GLRA1: variants seen among roughly 807,000 people sequenced by gnomAD.
The protein encoded by GLRA1 is glycine receptor alpha 1.
A neutral mutation model predicts 48.3 loss-of-function variants in GLRA1; 37 were observed. The observed-to-expected ratio is 0.77, with a 90% CI of 0.59 to 1.01. The LOEUF is 1.01. Among genes scored for constraint, GLRA1 ranks in the 50% least tolerant of loss-of-function variants. The probability of loss-of-function intolerance (pLI) is 0.00; values close to 1 mark genes in which losing one functional copy is unlikely to be tolerated. For synonymous variants in GLRA1, 196 were observed against 210.7 expected, an observed-to-expected ratio of 0.93 and a Z score of 0.60; for missense variants, 427 against 571.0, an observed-to-expected ratio of 0.75 and a Z score of 2.57.
chr5:151,913,153 G>A (rs1395260426), intron 1 of GLRA1, among the ~76,000 whole-genome samples: 2 of 152,210 alleles, frequency 1.3e-5, no homozygotes, highest in African/African-American at 4.8e-5. Context: ...ATAGGAAAAT[G>A]TGTTTGAAGT....
chr5:151,911,515 T>A (rs1437817646), intron 1 of GLRA1, among the ~76,000 whole-genome samples: 1 of 151,584 alleles, frequency 6.6e-6, no homozygotes, highest in Non-Finnish European at 1.5e-5. Context: ...TTAGCAATTT[T>A]AAAAATAATC....
chr5:151,871,832 G>A lies in GLRA1; in HGVS notation c.253-11824C>T, dbSNP rs1396417541. Among the ~76,000 whole-genome samples, 3 of 149,642 alleles carry A rather than the reference G, an allele frequency of 2.0e-5. 1 individual carries two copies. Among genetic ancestry groups the A allele is most frequent in the African/African-American group, 7.7e-5 (3 of 39,014 alleles). On this transcript the variant is annotated intron_variant, in intron 3 of 8. Transcript: ENST00000274576. ...GCCTGCCTCGGCCTCCCAAAGTGCC[G>A]GGATTACAGGCGTGAACCACCGCGC...
At chr5:151,909,625 A>G (rs936028834) in intron 1 of GLRA1, among the ~76,000 whole-genome samples, 1 of 152,200 alleles carries the variant, frequency 6.6e-6, no homozygotes, top group African/African-American at 2.4e-5. Context: ...TGTTATCAGT[A>G]TCATAATGGA....
intron 1 of GLRA1, among the ~76,000 whole-genome samples, chr5:151,903,838 T>C (rs2113440371): frequency 6.6e-6 from 1 of 152,300 alleles, no homozygotes; most frequent in African/African-American, 2.4e-5. Context: ...GCATTTTCTT[T>C]TCTATTTTTC....
chr5:151,873,847 G>C (rs749442084), intron 3 of GLRA1, among the ~76,000 whole-genome samples: 2 of 152,260 alleles, frequency 1.3e-5, no homozygotes, highest in Non-Finnish European at 2.9e-5. Flanking sequence ...TTAGATTCAG[G>C]GGGTATATGT....
chr5:151,830,247 A>G (rs1561546548), intron 7 of GLRA1, among the ~76,000 whole-genome samples: 1 of 152,182 alleles, frequency 6.6e-6, no homozygotes, highest in Non-Finnish European at 1.5e-5. Context: ...GGTTCCCTCA[A>G]AGATGCCACT....
chr5:151,865,517 G>A (rs1561562719), intron 3 of GLRA1, among the ~76,000 whole-genome samples: 1 of 152,148 alleles, frequency 6.6e-6, no homozygotes, highest in African/African-American at 2.4e-5. Context: ...AAGCTGTACT[G>A]AGAAATTTGA....
intron 5 of GLRA1, among the ~76,000 whole-genome samples, chr5:151,855,605 A>T (rs1468359350): frequency 6.6e-6 from 1 of 152,350 alleles, no homozygotes; most frequent in African/African-American, 2.4e-5. Flanking sequence ...AAGCTAGGCC[A>T]GACTGTGCCC....
At chr5:151,840,376 G>A (rs1267992408) in intron 7 of GLRA1, among the ~76,000 whole-genome samples, 1 of 152,028 alleles carries the variant, frequency 6.6e-6, no homozygotes, top group East Asian at 1.9e-4. Context: ...TGGAATTACA[G>A]GCATGAGCAA....
chr5:151,839,438 TAATC>T (rs1763657911), intron 7 of GLRA1, among the ~76,000 whole-genome samples: 1 of 152,238 alleles, frequency 6.6e-6, no homozygotes, highest in African/African-American at 2.4e-5. Flanking sequence ...AAACCTGTGT[TAATC>T]AACATATAAT....
chr5:151,908,468 A>G (rs4279329), intron 1 of GLRA1, among the ~76,000 whole-genome samples: 108,495 of 151,720 alleles, frequency 0.72, 39,287 homozygotes, highest in African/African-American at 0.84. Context: ...TAGGATGATG[A>G]AGTTGAGGGA....
At chr5:151,872,774 G>A (rs1459872583) in intron 3 of GLRA1, among the ~76,000 whole-genome samples, 2 of 149,810 alleles carry the variant, frequency 1.3e-5, no homozygotes, top group Admixed American at 1.3e-4. Flanking sequence ...TAATATATTT[G>A]TTTTCCCATG....
At chr5:151,864,005 T>TTA (rs1753269840) in intron 3 of GLRA1, among the ~76,000 whole-genome samples, 2 of 152,210 alleles carry the variant, frequency 1.3e-5, no homozygotes, top group Non-Finnish European at 2.9e-5. Flanking sequence ...GTGGAAGAAC[T>TTA]TCAGGCCTGG....
chr5:151,835,029 A>G (rs1180804765), intron 7 of GLRA1, among the ~76,000 whole-genome samples: 1 of 53,642 alleles, frequency 1.9e-5, no homozygotes, highest in Non-Finnish European at 4.1e-5. Flanking sequence ...CAACATCTCA[A>G]AAAAAAAAAA....
chr5:151,851,491 A>T lies in GLRA1; in HGVS notation c.811T>A (p.Trp271Arg). The T allele has an allele frequency of 6.2e-7, 1 of 1,614,004 alleles. No homozygotes were observed. Among genetic ancestry groups the T allele is most frequent in the Non-Finnish European group, 8.5e-7 (1 of 1,179,848 alleles). Reference sequence around the variant, plus strand: ...GCAGGTGCAGCATCCATGTTGATCCAGAAGGAGATCCATGAGAGGATGACA... The same window carrying T: ...GCAGGTGCAGCATCCATGTTGATCCTGAAGGAGATCCATGAGAGGATGACA... ...LIVILSWISF[W>R]INMDAAPARV... The change falls in exon 7 of 9, where the codon TGG becomes AGG. Residue 271 changes from tryptophan to arginine, a missense_variant. Physicochemically the swap from Trp to Arg is moderately radical, Grantham distance 101 (BLOSUM62 -3). Coordinates refer to ENST00000274576, the MANE Select transcript of GLRA1 (RefSeq NM_000171.4).
chr5:151,861,855 C>G (rs1753216938), intron 3 of GLRA1, among the ~76,000 whole-genome samples: 1 of 152,086 alleles, frequency 6.6e-6, no homozygotes, highest in Non-Finnish European at 1.5e-5. Context: ...ACCATACTGC[C>G]CAAGGTAATT....
chr5:151,875,526 C>G (rs1417681448), intron 3 of GLRA1: 1 of 152,070 alleles, frequency 6.6e-6, no homozygotes, highest in African/African-American at 2.4e-5. Context: ...TATCTTGAGG[C>G]CTTATTTGCA....
chr5:151,890,005 G>A (rs1754020366), intron 2 of GLRA1, among the ~76,000 whole-genome samples: 1 of 152,112 alleles, frequency 6.6e-6, no homozygotes, highest in African/African-American at 2.4e-5. Flanking sequence ...TTCCGAGTAA[G>A]CTTCTCAGAG....
chr5:151,885,678 C>T (rs905431698), intron 3 of GLRA1, among the ~76,000 whole-genome samples: 2 of 152,148 alleles, frequency 1.3e-5, no homozygotes, highest in Non-Finnish European at 2.9e-5. Context: ...TGTAAGCAAT[C>T]GGTGCAGCTA....
Sources: gnomAD v4.1 joint callset for allele counts (sites outside exome capture counted in the v4.1 genomes callset) on GRCh38, gnomAD v4.1.1 for gene constraint, MANE v1.5 for transcripts, NCBI Gene and HGNC (gene_info 2026-07-23, HGNC 2026-07-21) for gene names.